Variants in ZNF26 observed in about 807,000 individuals in gnomAD.
The protein encoded by ZNF26 is epididymis luminal protein 179.
ZNF26 carries 32 observed loss-of-function variants against 54.9 expected under a neutral mutation model. That is an observed-to-expected ratio of 0.58 (90% CI 0.44 to 0.78). The LOEUF (loss-of-function observed/expected upper bound fraction) is 0.78. Among genes scored for constraint, ZNF26 ranks in the 30% least tolerant of loss-of-function variants. The pLI is 0.00. For synonymous variants in ZNF26, 221 were observed against 209.2 expected, an observed-to-expected ratio of 1.06 and a Z score of -0.49; for missense variants, 524 against 634.0, an observed-to-expected ratio of 0.83 and a Z score of 1.86.
rs1953450936 is a variant in ZNF26 at position 133,010,682 on chromosome 12, G to A, written c.803G>A (p.Ser268Asn). Residue 268 changes from serine to asparagine, a missense_variant, in exon 4 of 4, where the codon AGT (serine) becomes AAT (asparagine). By Grantham distance (46) the Ser-to-Asn change is conservative (BLOSUM62 1). Coordinates refer to ENST00000328654, the MANE Select transcript of ZNF26 (RefSeq NM_019591.4). ...YGCSECGKAY[S>N]WKSQLLLHQR... ...TGCAGTGAATGTGGGAAAGCCTACA[G>A]TTGGAAATCACAGCTTCTTTTACAC... 1.9e-5 allele frequency: 31 copies of A among 1,613,950 alleles called. No homozygotes were observed. Among genetic ancestry groups the A allele is most frequent in the Non-Finnish European group, 2.5e-5 (30 of 1,180,024 alleles).
In ZNF26 at chr12:133,012,577, G is replaced by GATTTTTTTTTTT. The variant is rs1953501276; in HGVS notation, c.*1096_*1097insATTTTTTTTTTT. On this transcript the variant is annotated 3_prime_UTR_variant, in exon 4 of 4. Coordinates refer to ENST00000328654, the MANE Select transcript of ZNF26 (RefSeq NM_019591.4). ...AATGTCTTTTGCTTTTTGTTGTTTG[G>GATTTTTTTTTTT]GTTTTTTTTTTTTTTTTTTTTTTTT... The GATTTTTTTTTTT allele has an allele frequency of 1.5e-5, 1 of 66,918 alleles. No homozygotes were observed. Among genetic ancestry groups the GATTTTTTTTTTT allele is most frequent in the East Asian group, 3.7e-4 (1 of 2,692 alleles). The allele number at this position is 66,918 out of a possible 1,614,324, so 4.1% of individuals were successfully genotyped here. A position where few individuals can be genotyped will look rare whatever the true frequency, so the allele number is the denominator to read the frequency against.
At position 133,024,610 on chromosome 12, in the gene ZNF26, T is replaced by C. The variant is rs1953678907; in HGVS notation, c.*13129T>C. The stretch of plus-strand genomic sequence containing the variant: ...AAAGCTCCTCAGGGAAAAGATGTAA[T>C]CCAAGGCTGGCTATAATACCCTTAT... On this transcript the variant is annotated 3_prime_UTR_variant, in exon 4 of 4. Coordinates refer to ENST00000328654, the MANE Select transcript of ZNF26 (RefSeq NM_019591.4). 6.6e-6 allele frequency: 1 copy of C among 152,174 alleles called. No individual in the cohort carries two copies. The highest frequency in any genetic ancestry group is 1.5e-5 in the Non-Finnish European group (1 of 68,026). 9.4% of individuals were successfully genotyped at this position (152,174 alleles called of 1,614,324 possible). A position where few individuals can be genotyped will look rare whatever the true frequency, so the allele number is the denominator to read the frequency against.
At chr12:133,008,032 T>A (rs1953371553) in intron 3 of ZNF26, among the ~76,000 whole-genome samples, 1 of 152,062 alleles carries the variant, frequency 6.6e-6, no homozygotes, top group East Asian at 1.9e-4. Context: ...AGAGGGGTAT[T>A]TTTTCCCAGT....
chr12:132,990,986 G>A (rs1363003064), intron 1 of ZNF26, among the ~76,000 whole-genome samples: 1 of 151,756 alleles, frequency 6.6e-6, no homozygotes, highest in Non-Finnish European at 1.5e-5. Flanking sequence ...AGCCTCCCGA[G>A]TAGCTGGAAG....
chr12:132,998,911 A>G (rs1953149745), intron 1 of ZNF26, among the ~76,000 whole-genome samples: 1 of 152,214 alleles, frequency 6.6e-6, no homozygotes, highest in Admixed American at 6.5e-5. Context: ...AATTTTGGAG[A>G]AATCAGGTAG....
chr12:133,007,589 G>C, intron 3 of ZNF26, 57 bp downstream of exon 3: 2 of 1,228,332 alleles, frequency 1.6e-6, no homozygotes, highest in Non-Finnish European at 2.3e-6. Flanking sequence ...ATGAGTACCT[G>C]AGGAGTGGGC....
At chr12:132,986,995 A>G in intron 1 of ZNF26, 122 bp downstream of exon 1, 1 of 1,136,134 alleles carries the variant, frequency 8.8e-7, no homozygotes, top group Non-Finnish European at 1.3e-6. Context: ...GTAGTTTACT[A>G]GACTACCCTC....
rs1953633292 is a variant in ZNF26 at position 133,021,080 on chromosome 12, C to T, written c.*9599C>T. 1 of 151,666 alleles carries T rather than the reference C, an allele frequency of 6.6e-6. No individual in the cohort carries two copies. Among genetic ancestry groups the T allele is most frequent in the African/African-American group, 2.4e-5 (1 of 41,302 alleles). 9.4% of individuals were successfully genotyped at this position (151,666 alleles called of 1,614,324 possible). A position where few individuals can be genotyped will look rare whatever the true frequency, so the allele number is the denominator to read the frequency against. ...TGTTTAGGGATGTCGAGAAATTATG[C>T]CTCCAACCTATGCTCATACATTTTT... On this transcript the variant is annotated 3_prime_UTR_variant, in exon 4 of 4. Coordinates refer to ENST00000328654, the MANE Select transcript of ZNF26 (RefSeq NM_019591.4).
intron 1 of ZNF26, among the ~76,000 whole-genome samples, chr12:132,997,082 A>C (rs1236733889): frequency 6.6e-6 from 1 of 152,218 alleles, no homozygotes; most frequent in Non-Finnish European, 1.5e-5. Context: ...AGACAGTTGA[A>C]GTACAGTTAC....
chr12:132,987,267 C>CT (rs1360975272), intron 1 of ZNF26, among the ~76,000 whole-genome samples: 1 of 152,192 alleles, frequency 6.6e-6, no homozygotes, highest in East Asian at 1.9e-4. Context: ...CTGCTGGACT[C>CT]TAAGGCTGGT....
chr12:133,006,060 T>C, intron 1 of ZNF26: 1 of 984,988 alleles, frequency 1.0e-6, no homozygotes, highest in Non-Finnish European at 1.2e-6. Flanking sequence ...ATAATAGATT[T>C]GCCAGTTTTT....
At chr12:132,996,882 T>A (rs1291322921) in intron 1 of ZNF26, among the ~76,000 whole-genome samples, 1 of 148,256 alleles carries the variant, frequency 6.7e-6, no homozygotes. Context: ...TTCTTACTGG[T>A]TCTCATGGTT....
rs1953468389 is a variant in ZNF26 at position 133,011,368 on chromosome 12, C to G, written c.1489C>G (p.Leu497Val). The G allele has an allele frequency of 1.2e-6, 2 of 1,613,708 alleles. No individual in the cohort carries two copies. Among genetic ancestry groups the G allele is most frequent in the Admixed American group, 1.7e-5 (1 of 59,998 alleles). Residue 497 changes from leucine to valine, a missense_variant, in exon 4 of 4, where the codon CTC (leucine) becomes GTC (valine). Transcript: ENST00000328654. ...AAAAGCCTTCACTCAGAAGTCATCT[C>G]TCAGTGAACATCAGAGAGTTCACAC... ...CGKAFTQKSS[L>V]SEHQRVHTGE...
rs1435947781 is a variant in ZNF26, at chr12:133,007,179, C to T, written c.160+11C>T. 66 of 1,612,082 alleles carry T rather than the reference C, an allele frequency of 4.1e-5. No individual in the cohort carries two copies. Among genetic ancestry groups the T allele is most frequent in the East Asian group, 3.1e-4 (14 of 44,832 alleles). On this transcript the variant is annotated intron_variant, in intron 2 of 3. Transcript: ENST00000328654. ...ACCTGATATCAGTGGGTAAGTACTG[C>T]GTCTCAATGTTACTCAGATAGTGAA... is the stretch of plus-strand genomic sequence containing the variant.
chr12:133,016,780 CAAA>C lies in ZNF26; in HGVS notation c.*5312_*5314del, dbSNP rs1169141231. The C allele has an allele frequency of 2.3e-5, 3 of 127,940 alleles. No individual in the cohort carries two copies. Among genetic ancestry groups the C allele is most frequent in the Admixed American group, 8.1e-5 (1 of 12,392 alleles). The allele number at this position is 127,940 out of a possible 1,614,324, so 7.9% of individuals were successfully genotyped here. On this transcript the variant is annotated 3_prime_UTR_variant, in exon 4 of 4. Coordinates refer to ENST00000328654, the MANE Select transcript of ZNF26 (RefSeq NM_019591.4). The stretch of plus-strand genomic sequence containing the variant: ...TGGGTGACAGAGCAAGACCTTGACT[CAAA>C]AAAAAAAAAAAATTCTACTCTCTTG...
intron 1 of ZNF26, among the ~76,000 whole-genome samples, chr12:132,991,776 C>T (rs1451295943): frequency 6.6e-6 from 1 of 151,996 alleles, no homozygotes; most frequent in Non-Finnish European, 1.5e-5. Context: ...AGAGCGAGAC[C>T]GTCTCAAAAA....
intron 1 of ZNF26, among the ~76,000 whole-genome samples, chr12:132,998,711 G>C (rs1025268609): frequency 6.6e-6 from 1 of 152,134 alleles, no homozygotes; most frequent in African/African-American, 2.4e-5. Context: ...CTTTTTATCA[G>C]CTCTATAAAT....
At chr12:133,003,909 T>C (rs1160832778) in intron 1 of ZNF26, among the ~76,000 whole-genome samples, 1 of 152,208 alleles carries the variant, frequency 6.6e-6, no homozygotes, top group Non-Finnish European at 1.5e-5. Flanking sequence ...AAATAAGAAA[T>C]GCCTTTAGTT....
Position 133,013,669 on chromosome 12 carries a change from A to T in ZNF26, c.*2188A>T. On this transcript the variant is annotated 3_prime_UTR_variant, in exon 4 of 4. Transcript: ENST00000328654. The stretch of plus-strand genomic sequence containing the variant: ...GTATCTGGGAAGAACCTGAGGACTC[A>T]GCCTAGCAAACTCTTCTGATAGACT... The T allele has an allele frequency of 6.2e-6, 1 of 160,988 alleles. No individual in the cohort carries two copies. The highest frequency in any genetic ancestry group is 1.2e-4 in the South Asian group (1 of 8,102). 10.0% of individuals were successfully genotyped at this position (160,988 alleles called of 1,614,324 possible).
Sources: allele counts gnomAD v4.1 joint callset (sites outside exome capture counted in the v4.1 genomes callset), GRCh38; gene constraint gnomAD v4.1.1; transcripts MANE v1.5; gene names NCBI Gene and HGNC (gene_info 2026-07-23, HGNC 2026-07-21).